The following VPS53 variants were observed in gnomAD, a reference collection of about 807,000 sequenced individuals.
VPS53 encodes the protein vacuolar protein sorting-associated protein 53 homolog.
A neutral mutation model predicts 107.0 loss-of-function variants in VPS53; 70 were observed. That is an observed-to-expected ratio of 0.65 (90% CI 0.54 to 0.80). The LOEUF (loss-of-function observed/expected upper bound fraction) is 0.80. Ranked by LOEUF, VPS53 falls within the 30% of genes least tolerant of loss-of-function variation. VPS53 has a pLI of 0.00. For synonymous variants in VPS53, 409 were observed against 393.3 expected (o/e 1.04, Z -0.47); for missense variants, 917 against 1,049.4 (o/e 0.87, Z 1.74).
At chr17:700,079 G>A (rs896312702) in intron 2 of VPS53, among the ~76,000 whole-genome samples, 1 of 152,004 alleles carries the variant, frequency 6.6e-6, no homozygotes, top group African/African-American at 2.4e-5. Context: ...GTACTCCTCT[G>A]TATTATGTTA....
At chr17:629,883 T>C (rs1315745272) in intron 8 of VPS53, among the ~76,000 whole-genome samples, 1 of 150,406 alleles carries the variant, frequency 6.6e-6, no homozygotes, top group Non-Finnish European at 1.5e-5. Flanking sequence ...GGCATGTTGT[T>C]AAAGAGAACC....
chr17:614,205 T>C (rs1047518008), intron 11 of VPS53, among the ~76,000 whole-genome samples: 2 of 152,200 alleles, frequency 1.3e-5, no homozygotes, highest in Non-Finnish European at 2.9e-5. Flanking sequence ...CGTGGCATCA[T>C]CTTATGAATA....
rs1908056955 is a variant in VPS53 at position 513,188 on chromosome 17, TTCTG to T, written c.*5936_*5939del. 1 of 152,224 alleles carries T rather than the reference TTCTG, an allele frequency of 6.6e-6. No individual in the cohort carries two copies. The highest frequency in any genetic ancestry group is 2.4e-5 in the African/African-American group (1 of 41,462). 9.4% of individuals were successfully genotyped at this position (152,224 alleles called of 1,614,324 possible). ...CTTCTTTCCTAGAGTCTGTTCTGTT[TTCTG>T]TCAGCAGTAAGGAAATACATTCTAG... On this transcript the variant is annotated 3_prime_UTR_variant, in exon 22 of 22. Coordinates refer to ENST00000437048, the MANE Select transcript of VPS53 (RefSeq NM_001128159.3).
At chr17:642,008 G>A (rs1389889186) in intron 7 of VPS53, among the ~76,000 whole-genome samples, 1 of 152,166 alleles carries the variant, frequency 6.6e-6, no homozygotes, top group East Asian at 1.9e-4. Flanking sequence ...TCAGCTTTTC[G>A]TAAGGGGGAG....
At chr17:605,842 C>T (rs1567669446) in intron 11 of VPS53, among the ~76,000 whole-genome samples, 1 of 152,076 alleles carries the variant, frequency 6.6e-6, no homozygotes, top group Non-Finnish European at 1.5e-5. Context: ...GGAGCCCCAT[C>T]ACGCAGCCTT....
chr17:525,772 A>T (rs12945505), intron 19 of VPS53, among the ~76,000 whole-genome samples: 5 of 151,164 alleles, frequency 3.3e-5, no homozygotes, highest in Non-Finnish European at 7.4e-5. Flanking sequence ...CTGAGGTGGG[A>T]GGATCACTTA....
intron 11 of VPS53, among the ~76,000 whole-genome samples, chr17:602,906 C>G (rs950225003): frequency 6.6e-6 from 1 of 152,142 alleles, no homozygotes; most frequent in Non-Finnish European, 1.5e-5. Context: ...AAAAGAGGGA[C>G]TGCTTGGTGC....
chr17:699,031 G>A (rs2093978717), intron 3 of VPS53, among the ~76,000 whole-genome samples: 1 of 151,996 alleles, frequency 6.6e-6, no homozygotes, highest in Admixed American at 6.6e-5. Flanking sequence ...GCCAGGCGTG[G>A]TGGCTCACAC....
intron 7 of VPS53, chr17:632,712 A>G (rs908659909): frequency 2.6e-5 from 12 of 456,256 alleles, no homozygotes; most frequent in South Asian, 1.7e-4. Flanking sequence ...CGCTATCTCC[A>G]TGAGTTTACT....
In VPS53 at chr17:508,981, T is replaced by A. The variant is rs1243953956; in HGVS notation, c.*10147A>T. The A allele has an allele frequency of 2.0e-5, 3 of 152,182 alleles. No homozygotes were observed. The highest frequency in any genetic ancestry group is 6.5e-5 in the Admixed American group (1 of 15,280). 9.4% of individuals were successfully genotyped at this position (152,182 alleles called of 1,614,324 possible). A position where few individuals can be genotyped will look rare whatever the true frequency, so the allele number is the denominator to read the frequency against. ...GTATAGAGGGAATCCAATGTAAAAT[T>A]TTGTCCCATAAATTTGAAAACTGCT... On this transcript the variant is annotated 3_prime_UTR_variant, in exon 22 of 22. Transcript: ENST00000437048.
chr17:695,340 C>A (rs949081996), intron 4 of VPS53, among the ~76,000 whole-genome samples: 5 of 152,090 alleles, frequency 3.3e-5, no homozygotes, highest in African/African-American at 1.2e-4. Context: ...AAACTAGTAT[C>A]TGAGCTGGTC....
intron 4 of VPS53, among the ~76,000 whole-genome samples, chr17:667,372 G>C (rs1971737706): frequency 6.6e-6 from 1 of 151,624 alleles, no homozygotes. Context: ...CGTAAAGGGA[G>C]TAATTTTTAA....
At chr17:593,649 T>A (rs9747073) in intron 12 of VPS53, among the ~76,000 whole-genome samples, 57,283 of 151,926 alleles carry the variant, frequency 0.38, 11,499 homozygotes, top group East Asian at 0.49. Context: ...CATTAAAAAG[T>A]CAGGAAACAA....
At chr17:675,783 A>C (rs1972135853) in intron 4 of VPS53, 1 of 151,622 alleles carries the variant, frequency 6.6e-6, no homozygotes, top group African/African-American at 2.4e-5. Flanking sequence ...AAAAAAAAAA[A>C]AAAAAACTTA....
chr17:626,672 CT>C (rs1404324126), intron 10 of VPS53, among the ~76,000 whole-genome samples: 2 of 152,060 alleles, frequency 1.3e-5, no homozygotes, highest in Non-Finnish European at 2.9e-5. Flanking sequence ...GTGATTCTGT[CT>C]TGAAATAAAA....
intron 11 of VPS53, among the ~76,000 whole-genome samples, chr17:612,920 G>A (rs1968958843): frequency 1.3e-5 from 2 of 149,668 alleles, no homozygotes; most frequent in African/African-American, 5.0e-5. Flanking sequence ...GTGAAAACCT[G>A]CACAGATATT....
rs545696107 is a variant in VPS53, at chr17:544,838, G to A, written c.1866+7034C>T. 3.3e-5 allele frequency among the ~76,000 whole-genome samples: 5 copies of A among 151,996 alleles called. No individual in the cohort carries two copies. The East Asian group carries it at 9.7e-4, about 29-fold the overall frequency. On this transcript the variant is annotated intron_variant, in intron 17 of 21. Coordinates refer to ENST00000437048, the MANE Select transcript of VPS53 (RefSeq NM_001128159.3). Reference sequence around the variant, plus strand: ...CTCACACCTGTAATTCCAGCATTTTGGGAGGCCGAGGTGGGAGGATCACTA... The same window carrying A: ...CTCACACCTGTAATTCCAGCATTTTAGGAGGCCGAGGTGGGAGGATCACTA...
At chr17:559,795 G>C (rs1912766306) in intron 15 of VPS53, among the ~76,000 whole-genome samples, 1 of 152,204 alleles carries the variant, frequency 6.6e-6, no homozygotes, top group African/African-American at 2.4e-5. Context: ...GACCAAGTGT[G>C]AAAAGGACTT....
At chr17:587,486 AG>A (rs1967380186) in intron 12 of VPS53, among the ~76,000 whole-genome samples, 1 of 152,230 alleles carries the variant, frequency 6.6e-6, no homozygotes, top group Admixed American at 6.5e-5. Flanking sequence ...ACAGGCAGGC[AG>A]GCAGGCAGAC....
Sources: allele counts gnomAD v4.1 joint callset (sites outside exome capture counted in the v4.1 genomes callset), GRCh38; gene constraint gnomAD v4.1.1; transcripts MANE v1.5; gene names NCBI Gene and HGNC (gene_info 2026-07-23, HGNC 2026-07-21).